The following DLG2 variants were observed in gnomAD, a reference collection of about 807,000 sequenced individuals.
The protein encoded by DLG2 is disks large homolog 2.
DLG2 carries 45 observed loss-of-function variants against 132.5 expected under a neutral mutation model. That is an observed-to-expected ratio of 0.34 (90% CI 0.27 to 0.44). The LOEUF (loss-of-function observed/expected upper bound fraction) is 0.44. DLG2 is among the 20% of genes least tolerant of loss of function. The probability of loss-of-function intolerance (pLI) is 1.00; values close to 1 mark genes in which losing one functional copy is unlikely to be tolerated. For synonymous variants in DLG2, 424 were observed against 419.6 expected (o/e 1.01, Z -0.13); for missense variants, 1,045 against 1,196.9 (o/e 0.87, Z 1.87).
At chr11:85,009,195 A>G (rs1462160477) in intron 6 of DLG2, among the ~76,000 whole-genome samples, 1 of 152,116 alleles carries the variant, frequency 6.6e-6, no homozygotes, top group African/African-American at 2.4e-5. Flanking sequence ...GAATGCTTGT[A>G]TAAGACCTAT....
intron 7 of DLG2, among the ~76,000 whole-genome samples, chr11:84,283,439 A>G (rs575037334): frequency 6.6e-6 from 1 of 152,362 alleles, no homozygotes; most frequent in East Asian, 1.9e-4. Flanking sequence ...GGCACATAGT[A>G]AGCACTATTA....
intron 9 of DLG2, among the ~76,000 whole-genome samples, chr11:84,155,746 G>A (rs2154255321): frequency 6.6e-6 from 1 of 152,180 alleles, no homozygotes; most frequent in South Asian, 2.1e-4. Context: ...TTCTGTAACT[G>A]CAAGTAGTTC....
chr11:84,668,227 C>T (rs1357368865), intron 6 of DLG2, among the ~76,000 whole-genome samples: 1 of 152,110 alleles, frequency 6.6e-6, no homozygotes, highest in Non-Finnish European at 1.5e-5. Flanking sequence ...TGAGTCTATA[C>T]TTCTATAATG....
At chr11:84,853,165 C>T (rs2082355002) in intron 6 of DLG2, among the ~76,000 whole-genome samples, 1 of 151,856 alleles carries the variant, frequency 6.6e-6, no homozygotes. Context: ...AGCAAGGTTT[C>T]CTGAGTCTGT....
At chr11:85,511,311 A>C (rs1043247349) in intron 3 of DLG2, among the ~76,000 whole-genome samples, 1 of 152,064 alleles carries the variant, frequency 6.6e-6, no homozygotes. Flanking sequence ...AACATGGCAC[A>C]TGTATACACA....
intron 6 of DLG2, among the ~76,000 whole-genome samples, chr11:84,609,506 C>G (rs936508430): frequency 4.6e-5 from 7 of 152,076 alleles, no homozygotes; most frequent in African/African-American, 1.7e-4. Context: ...ATCTGATGAA[C>G]TCCAGTTAAG....
intron 4 of DLG2, among the ~76,000 whole-genome samples, chr11:85,273,400 A>AT (rs1173995083): frequency 4.6e-5 from 7 of 152,186 alleles, no homozygotes. Flanking sequence ...ACTTAAAAAA[A>AT]TTTACAAGAA....
At chr11:84,046,061 CA>C (rs2096236328) in intron 11 of DLG2, among the ~76,000 whole-genome samples, 1 of 151,496 alleles carries the variant, frequency 6.6e-6, no homozygotes, top group Admixed American at 6.6e-5. Flanking sequence ...AGTATTAAAG[CA>C]TAAATTGAAG....
intron 18 of DLG2, among the ~76,000 whole-genome samples, chr11:83,753,787 A>G (rs992922022): frequency 8.5e-6 from 1 of 117,092 alleles, no homozygotes; most frequent in Non-Finnish European, 1.6e-5. Context: ...TATATATGTC[A>G]TATATATGAT....
intron 7 of DLG2, among the ~76,000 whole-genome samples, chr11:84,377,184 A>G (rs971344466): frequency 6.6e-6 from 1 of 152,112 alleles, no homozygotes; most frequent in African/African-American, 2.4e-5. Flanking sequence ...CTTTATACTT[A>G]TTTTTTAGTT....
intron 3 of DLG2, among the ~76,000 whole-genome samples, chr11:85,495,230 T>A (rs1030418019): frequency 6.6e-6 from 1 of 152,230 alleles, no homozygotes; most frequent in Non-Finnish European, 1.5e-5. Context: ...TGCTCTTGAA[T>A]GTTTAAGTTG....
At chr11:83,967,198 G>C (rs1028499155) in intron 12 of DLG2, among the ~76,000 whole-genome samples, 1 of 152,100 alleles carries the variant, frequency 6.6e-6, no homozygotes, top group African/African-American at 2.4e-5. Context: ...TTGAACATGG[G>C]AGTGCAGATA....
At chr11:83,831,485 C>G (rs1378022013) in intron 17 of DLG2, among the ~76,000 whole-genome samples, 1 of 151,570 alleles carries the variant, frequency 6.6e-6, no homozygotes, top group African/African-American at 2.4e-5. Flanking sequence ...AGTCAACTGA[C>G]TGTATGATGT....
chr11:84,324,583 C>T (rs763814950), intron 7 of DLG2, among the ~76,000 whole-genome samples: 2 of 151,958 alleles, frequency 1.3e-5, no homozygotes, highest in East Asian at 1.9e-4. Flanking sequence ...CAAATACCAT[C>T]GAGATTTTGA....
At chr11:85,583,894 A>C (rs2078792428) in intron 3 of DLG2, among the ~76,000 whole-genome samples, 1 of 152,222 alleles carries the variant, frequency 6.6e-6, no homozygotes, top group African/African-American at 2.4e-5. Flanking sequence ...ATCTGCAAAG[A>C]AAATGTGGTT....
chr11:85,496,623 G>T (rs1423878322), intron 3 of DLG2, among the ~76,000 whole-genome samples: 1 of 152,130 alleles, frequency 6.6e-6, no homozygotes, highest in Non-Finnish European at 1.5e-5. Flanking sequence ...TCCTCAAGTG[G>T]GTCCCTGATC....
intron 7 of DLG2, among the ~76,000 whole-genome samples, chr11:84,492,179 T>G (rs557092418): frequency 6.6e-6 from 1 of 152,258 alleles, no homozygotes; most frequent in South Asian, 2.1e-4. Context: ...TGTTCTAGTA[T>G]GAATAAAAGG....
At chr11:85,067,281 T>A (rs534872067) in intron 6 of DLG2, among the ~76,000 whole-genome samples, 1 of 151,986 alleles carries the variant, frequency 6.6e-6, no homozygotes, top group African/African-American at 2.4e-5. Flanking sequence ...TTTGTTGATC[T>A]TTCCAAAAAA....
intron 21 of DLG2, among the ~76,000 whole-genome samples, chr11:83,528,282 G>A (rs2095656513): frequency 6.6e-6 from 1 of 152,166 alleles, no homozygotes; most frequent in Non-Finnish European, 1.5e-5. Flanking sequence ...TTCAAATGAA[G>A]AACCTCAGAT....
Sources: gnomAD v4.1 joint callset for allele counts (sites outside exome capture counted in the v4.1 genomes callset) on GRCh38, gnomAD v4.1.1 for gene constraint, MANE v1.5 for transcripts, NCBI Gene and HGNC (gene_info 2026-07-23, HGNC 2026-07-21) for gene names.